AKAP9: variants seen among roughly 807,000 people sequenced by gnomAD.
AKAP9 encodes A-kinase anchoring protein 9, also known as A-kinase anchor protein 9.
AKAP9 carries 311 observed loss-of-function variants against 488.5 expected under a neutral mutation model. The observed-to-expected ratio is 0.64, with a 90% CI of 0.58 to 0.70. The LOEUF is 0.70. AKAP9 is among the 30% of genes least tolerant of loss of function. The pLI is 0.00. For missense variants in AKAP9, 4,215 were observed against 4,374.5 expected (o/e 0.96, Z 1.03); for synonymous variants, 1,462 against 1,483.5 (o/e 0.99, Z 0.33).
At chr7:91,973,341 C>T (rs755831001) in intron 1 of AKAP9, among the ~76,000 whole-genome samples, 3 of 152,136 alleles carry the variant, frequency 2.0e-5, no homozygotes, top group Non-Finnish European at 4.4e-5. Flanking sequence ...CGCTACTGCA[C>T]TCCAGCCTGG....
intron 10 of AKAP9, among the ~76,000 whole-genome samples, chr7:92,015,525 A>T (rs1801389912): frequency 6.6e-6 from 1 of 151,778 alleles, no homozygotes; most frequent in Non-Finnish European, 1.5e-5. Flanking sequence ...CACCACGCCC[A>T]GCTAATTTTT....
At chr7:91,990,844 A>G (rs1173002588) in intron 3 of AKAP9, among the ~76,000 whole-genome samples, 2 of 152,226 alleles carry the variant, frequency 1.3e-5, no homozygotes, top group Non-Finnish European at 2.9e-5. Flanking sequence ...GTCAACCATT[A>G]TCTGAAAATA....
Position 92,052,804 on chromosome 7 carries a change from A to T in AKAP9, c.5447A>T (p.Glu1816Val), listed in dbSNP as rs1486222099. The T allele has an allele frequency of 6.2e-7, 1 of 1,613,876 alleles. No homozygotes were observed. Among genetic ancestry groups the T allele is most frequent in the Non-Finnish European group, 8.5e-7 (1 of 1,179,850 alleles). ...NDINMWSKVTEEGTELSQRLV... is the reference protein window; with the variant it reads ...NDINMWSKVTVEGTELSQRLV... Reference sequence around the variant, plus strand: ...ATTAACATGTGGTCAAAAGTAACTGAGGAAGGAACAGAGCTGTCACAACGA... The same window carrying T: ...ATTAACATGTGGTCAAAAGTAACTGTGGAAGGAACAGAGCTGTCACAACGA... Residue 1816 changes from glutamate (E) to valine (V), a missense_variant, in exon 22 of 50, where the codon GAG becomes GTG. By Grantham distance (121) the Glu-to-Val change is moderately radical. Around this residue, in one of 5 missense-constraint regions of AKAP9, gnomAD observed 2,361 missense variants for 2,430.0 expected, o/e 0.97. Coordinates refer to ENST00000356239, the MANE Select transcript of AKAP9 (RefSeq NM_005751.5).
chr7:92,051,800 G>GTACAACATGT (rs1808026908), intron 21 of AKAP9, among the ~76,000 whole-genome samples: 2 of 152,122 alleles, frequency 1.3e-5, no homozygotes, highest in Non-Finnish European at 2.9e-5. Context: ...TACAGTTACT[G>GTACAACATGT]ATAACAAATA....
intron 3 of AKAP9, among the ~76,000 whole-genome samples, chr7:91,991,342 G>T (rs531748700): frequency 5.9e-5 from 9 of 152,194 alleles, no homozygotes; most frequent in Non-Finnish European, 1.0e-4. Flanking sequence ...TCAGTATGTT[G>T]CCCACAGTGG....
intron 21 of AKAP9, among the ~76,000 whole-genome samples, chr7:92,048,571 TGTC>T (rs1055467262): frequency 2.6e-5 from 4 of 152,188 alleles, no homozygotes; most frequent in Non-Finnish European, 5.9e-5. Flanking sequence ...GATGGAATCT[TGTC>T]TGCTGCTGCC....
At chr7:92,049,702 T>C (rs116252634) in intron 21 of AKAP9, among the ~76,000 whole-genome samples, 2,193 of 152,258 alleles carry the variant, frequency 0.014, 44 homozygotes, top group African/African-American at 0.05. Context: ...TTTTTAAATT[T>C]GGTTTTTTCT....
chr7:91,995,986 G>T lies in AKAP9; in HGVS notation c.930+186G>T. ...AGTTTTTAAGATAATAGTCATTACTGAGTTCCCTAAAAGTGATCAGCCTAT... is the reference window on the plus strand; with the variant it reads ...AGTTTTTAAGATAATAGTCATTACTTAGTTCCCTAAAAGTGATCAGCCTAT... On this transcript the variant is annotated intron_variant, in intron 7 of 49. Transcript: ENST00000356239. The T allele has an allele frequency of 4.9e-6, 3 of 611,706 alleles. No homozygotes were observed. The South Asian group carries it at 6.2e-5, about 13-fold the overall frequency. 37.9% of individuals were successfully genotyped at this position (611,706 alleles called of 1,614,324 possible). A position where few individuals can be genotyped will look rare whatever the true frequency, so the allele number is the denominator to read the frequency against.
chr7:92,005,147 C>A (rs1398808522), intron 8 of AKAP9, among the ~76,000 whole-genome samples: 3 of 152,178 alleles, frequency 2.0e-5, no homozygotes, highest in Non-Finnish European at 4.4e-5. Context: ...TTGAACCAGC[C>A]TTGCATCCCA....
chr7:92,077,842 CCAG>C lies in AKAP9; in HGVS notation c.6918_6920del (p.Gln2307del), dbSNP rs1423055992. The C allele has an allele frequency of 1.9e-6, 3 of 1,613,318 alleles. No homozygotes were observed. Among genetic ancestry groups the C allele is most frequent in the Non-Finnish European group, 2.5e-6 (3 of 1,179,692 alleles). ...AATTAAATGAACAAGTTACGAAACTCCAGCAGCAACTTAAAATTACAACAGATA... is the reference window on the plus strand; with the variant it reads ...AATTAAATGAACAAGTTACGAAACTCCAGCAACTTAAAATTACAACAGATA... On this transcript the variant is annotated inframe_deletion, in exon 30 of 50. Coordinates refer to ENST00000356239, the MANE Select transcript of AKAP9 (RefSeq NM_005751.5).
intron 1 of AKAP9, among the ~76,000 whole-genome samples, chr7:91,966,603 A>G (rs1305921346): frequency 6.6e-6 from 1 of 152,012 alleles, no homozygotes; most frequent in Non-Finnish European, 1.5e-5. Flanking sequence ...TTCTGTGTGG[A>G]TGTTGTATAT....
chr7:92,064,221 CTGGT>C (rs1443348719), intron 24 of AKAP9, among the ~76,000 whole-genome samples: 3 of 151,966 alleles, frequency 2.0e-5, no homozygotes, highest in African/African-American at 7.3e-5. Flanking sequence ...AAGAGGCTCT[CTGGT>C]TGATTTATTT....
chr7:92,097,117 T>G lies in AKAP9; in HGVS notation c.10158T>G (p.Val3386=), dbSNP rs1254744729. 3.1e-6 allele frequency: 5 copies of G among 1,614,178 alleles called. No homozygotes were observed. The highest frequency in any genetic ancestry group is 4.2e-6 in the Non-Finnish European group (5 of 1,180,038). ...TRQQMEKDRQ[V]HRKTLQTEQE... ...AGCAAATGGAAAAAGATAGGCAGGT[T>G]CACAGGAAAACACTGCAGACAGAAC... The change falls in exon 41 of 50, where the codon GTT becomes GTG. Residue 3386 remains valine (V), a synonymous_variant. Coordinates refer to ENST00000356239, the MANE Select transcript of AKAP9 (RefSeq NM_005751.5).
chr7:92,006,758 T>C (rs917241780), intron 8 of AKAP9, among the ~76,000 whole-genome samples: 5 of 152,182 alleles, frequency 3.3e-5, no homozygotes, highest in African/African-American at 1.2e-4. Context: ...AGAAGTCTTT[T>C]CAGTGTTGGG....
intron 34 of AKAP9, 40 bp downstream of exon 34, chr7:92,084,743 T>C: frequency 6.2e-7 from 1 of 1,608,398 alleles, no homozygotes; most frequent in Non-Finnish European, 8.5e-7. Context: ...TAGTAGTTGT[T>C]TAAGAAATAA....
chr7:92,067,918 T>C (rs774757805), intron 26 of AKAP9, among the ~76,000 whole-genome samples: 1 of 152,226 alleles, frequency 6.6e-6, no homozygotes, highest in East Asian at 1.9e-4. Context: ...ACACTTTAAC[T>C]AGTATTATTT....
At chr7:91,993,194 C>CTT (rs3216250) in intron 5 of AKAP9, 139 bp downstream of exon 5, 108 of 664,560 alleles carry the variant, frequency 1.6e-4, no homozygotes, top group Middle Eastern at 4.8e-4. Context: ...TCTTCTTCTT[C>CTT]TTTTTTTTTT....
At chr7:92,005,046 C>A (rs868742882) in intron 8 of AKAP9, among the ~76,000 whole-genome samples, 17 of 152,180 alleles carry the variant, frequency 1.1e-4, no homozygotes, top group East Asian at 3.9e-4. Flanking sequence ...GAATTTTGTC[C>A]AAGGCCTTTT....
intron 43 of AKAP9, 151 bp downstream of exon 43, chr7:92,098,365 C>A: frequency 1.8e-6 from 1 of 557,010 alleles, no homozygotes; most frequent in South Asian, 2.2e-5. Context: ...ATAATGCTTG[C>A]TTTCCCCCAA....
Sources: gnomAD v4.1 joint callset for allele counts (sites outside exome capture counted in the v4.1 genomes callset) on GRCh38, gnomAD v4.1.1 for gene constraint, gnomAD v4.1.1 regional missense constraint, MANE v1.5 for transcripts, NCBI Gene and HGNC (gene_info 2026-07-23, HGNC 2026-07-21) for gene names.